EIF4E: variants seen among roughly 807,000 people sequenced by gnomAD.
The protein encoded by EIF4E is eukaryotic translation initiation factor 4E, also known as eIF-4F 25 kDa subunit.
For missense variants in EIF4E, 113 were observed against 265.6 expected, an observed-to-expected ratio of 0.43 and a Z score of 3.99; for synonymous variants, 71 against 88.5, an observed-to-expected ratio of 0.80 and a Z score of 1.11.
chr4:98,895,919 T>A (rs776626493), intron 2 of EIF4E, among the ~76,000 whole-genome samples: 1 of 152,076 alleles, frequency 6.6e-6, no homozygotes, highest in Non-Finnish European at 1.5e-5. Context: ...AGGCATGGGC[T>A]GGGCGCAGTG....
rs773473491 is a variant in EIF4E at position 98,885,067 on chromosome 4, A to G, written c.400-6T>C. The G allele has an allele frequency of 6.2e-7, 1 of 1,610,796 alleles. No homozygotes were observed. The highest frequency in any genetic ancestry group is 1.7e-5 in the Admixed American group (1 of 59,880). ...TCTCCAATAAGGCACAGAAGCTTAA[A>G]AAAAAATCCCAAATTACATTTAATA... On this transcript the variant is annotated splice_polypyrimidine_tract_variant and splice_region_variant and intron_variant, in intron 5 of 6. Coordinates refer to ENST00000450253, the MANE Select transcript of EIF4E (RefSeq NM_001968.5).
intron 1 of EIF4E, among the ~76,000 whole-genome samples, chr4:98,922,022 A>C (rs1262980497): frequency 2.0e-5 from 3 of 152,210 alleles, no homozygotes; most frequent in Non-Finnish European, 2.9e-5. Context: ...CCTAAAAATA[A>C]ATGCCCACAC....
At chr4:98,899,477 T>A (rs571714083) in intron 2 of EIF4E, among the ~76,000 whole-genome samples, 2 of 152,306 alleles carry the variant, frequency 1.3e-5, no homozygotes, top group South Asian at 4.1e-4. Context: ...CTGTTAAGTC[T>A]AAGCCAATAA....
At chr4:98,917,083 AACACACACACACAC>A (rs751653561) in intron 1 of EIF4E, among the ~76,000 whole-genome samples, 23 of 102,990 alleles carry the variant, frequency 2.2e-4, no homozygotes, top group South Asian at 1.6e-3. Context: ...ACCTTTTCTA[AACACACACACACAC>A]ACACACACAC....
intron 1 of EIF4E, among the ~76,000 whole-genome samples, chr4:98,913,464 T>C (rs1014459130): frequency 6.6e-6 from 1 of 152,126 alleles, no homozygotes; most frequent in South Asian, 2.1e-4. Flanking sequence ...ACTACAGGCA[T>C]GAGCCACCAT....
chr4:98,903,628 CAT>C (rs1346482513), intron 1 of EIF4E, among the ~76,000 whole-genome samples: 1 of 152,098 alleles, frequency 6.6e-6, no homozygotes, highest in East Asian at 1.9e-4. Flanking sequence ...TTCTTATCAA[CAT>C]ATGACATGTA....
At chr4:98,907,195 T>TA (rs1724908127) in intron 1 of EIF4E, among the ~76,000 whole-genome samples, 1 of 152,184 alleles carries the variant, frequency 6.6e-6, no homozygotes, top group Admixed American at 6.5e-5. Flanking sequence ...CTGATATATG[T>TA]AGATATAGGT....
chr4:98,888,506 A>AAAAT (rs147316923), intron 3 of EIF4E, among the ~76,000 whole-genome samples: 5 of 152,284 alleles, frequency 3.3e-5, no homozygotes, highest in African/African-American at 7.2e-5. Flanking sequence ...TGATTTTAGA[A>AAAAT]AAATAAATAA....
At chr4:98,903,194 A>G (rs2110200680) in intron 1 of EIF4E, among the ~76,000 whole-genome samples, 1 of 152,318 alleles carries the variant, frequency 6.6e-6, no homozygotes, top group Non-Finnish European at 1.5e-5. Context: ...CACTAGGACA[A>G]AGACTGATAC....
chr4:98,895,983 G>T (rs1349011480), intron 2 of EIF4E, among the ~76,000 whole-genome samples: 1 of 123,878 alleles, frequency 8.1e-6, no homozygotes, highest in Non-Finnish European at 2.0e-5. Flanking sequence ...GGATCATGAG[G>T]TCAAGAGATC....
chr4:98,911,407 C>T (rs1274129421), intron 1 of EIF4E, among the ~76,000 whole-genome samples: 1 of 148,834 alleles, frequency 6.7e-6, no homozygotes, highest in African/African-American at 2.4e-5. Context: ...CACCTGTAAT[C>T]CCAGCACTTT....
chr4:98,925,802 A>G (rs1382257421), intron 1 of EIF4E, among the ~76,000 whole-genome samples: 3 of 152,186 alleles, frequency 2.0e-5, no homozygotes, highest in Non-Finnish European at 2.9e-5. Context: ...CTGAAGTAAG[A>G]AAAAACATGA....
At chr4:98,892,465 G>T (rs1009796182) in intron 2 of EIF4E, among the ~76,000 whole-genome samples, 1 of 151,898 alleles carries the variant, frequency 6.6e-6, no homozygotes. Context: ...GATCACGTGA[G>T]GTCAGGAGTT....
intron 3 of EIF4E, among the ~76,000 whole-genome samples, chr4:98,890,570 T>A (rs1349472328): frequency 6.6e-6 from 1 of 152,218 alleles, no homozygotes; most frequent in Non-Finnish European, 1.5e-5. Flanking sequence ...CTGCAAGTGA[T>A]CTTCCTGCCT....
At chr4:98,921,396 G>A (rs1023011404) in intron 1 of EIF4E, among the ~76,000 whole-genome samples, 1 of 151,244 alleles carries the variant, frequency 6.6e-6, no homozygotes, top group Non-Finnish European at 1.5e-5. Flanking sequence ...TCTGTGCTCT[G>A]CTCATTACAA....
intron 1 of EIF4E, among the ~76,000 whole-genome samples, chr4:98,909,141 GAC>G (rs1725000932): frequency 1.3e-5 from 2 of 151,850 alleles, no homozygotes; most frequent in African/African-American, 4.8e-5. Flanking sequence ...CTTCCTCCCA[GAC>G]ACACAAAAAA....
At chr4:98,929,072 T>C (rs1553934895) in intron 1 of EIF4E, 23 bp downstream of exon 1, 2 of 1,577,592 alleles carry the variant, frequency 1.3e-6, no homozygotes, top group African/African-American at 2.7e-5. Flanking sequence ...CCCGTGGGGG[T>C]GGGGGCCAAA....
At chr4:98,924,268 G>A (rs1175488419) in intron 1 of EIF4E, among the ~76,000 whole-genome samples, 1 of 151,898 alleles carries the variant, frequency 6.6e-6, no homozygotes, top group Non-Finnish European at 1.5e-5. Context: ...TAGTAGAGGT[G>A]GGGTTTCACC....
intron 1 of EIF4E, among the ~76,000 whole-genome samples, chr4:98,921,437 C>T (rs1320126424): frequency 2.0e-5 from 3 of 151,704 alleles, no homozygotes; most frequent in Non-Finnish European, 4.4e-5. Context: ...GTCATCATCT[C>T]GGCTCACTGC....
Sources: gnomAD v4.1 joint callset for allele counts (sites outside exome capture counted in the v4.1 genomes callset) on GRCh38, gnomAD v4.1.1 for gene constraint, MANE v1.5 for transcripts, NCBI Gene and HGNC (gene_info 2026-07-23, HGNC 2026-07-21) for gene names.